The following ABCA13 variants were observed in gnomAD, a reference collection of about 807,000 sequenced individuals.
ABCA13 encodes ATP-binding cassette sub-family A member 13.
ABCA13 carries 476 observed loss-of-function variants against 478.7 expected under a neutral mutation model. The ratio of observed to expected loss-of-function variants is 0.99; its 90% CI spans 0.92 to 1.07. The LOEUF is 1.07. ABCA13 is among the 50% of genes least tolerant of loss of function. The pLI is 0.00. For missense variants in ABCA13, 6,060 were observed against 5,910.6 expected (o/e 1.03, Z -0.83); for synonymous variants, 2,252 against 2,158.9 (o/e 1.04, Z -1.20).
chr7:48,279,802 A>G lies in ABCA13; in HGVS notation c.8608A>G (p.Lys2870Glu). ...CACATCAGAAAAAGAAGAGAGAACC[A>G]AGAAAGAGATGATTGACTTTCCTTA... ...NVTSEKEERT[K>E]KEMIDFPYSF... The change falls in exon 18 of 62, where the codon AAG becomes GAG. Residue 2870 changes from lysine to glutamate, a missense_variant. By Grantham distance (56) the Lys-to-Glu change is moderately conservative (BLOSUM62 1). Around this residue, in one of 3 missense-constraint regions of ABCA13, gnomAD observed 4,423 missense variants for 4,309.1 expected, o/e 1.03. Coordinates refer to ENST00000435803, the MANE Select transcript of ABCA13 (RefSeq NM_152701.5). 1 of 1,601,068 alleles carries G rather than the reference A, an allele frequency of 6.2e-7. No individual in the cohort carries two copies. Among genetic ancestry groups the G allele is most frequent in the Non-Finnish European group, 8.5e-7 (1 of 1,176,244 alleles).
intron 55 of ABCA13, among the ~76,000 whole-genome samples, chr7:48,566,584 A>T (rs982949146): frequency 1.3e-5 from 2 of 152,210 alleles, no homozygotes; most frequent in Non-Finnish European, 2.9e-5. Context: ...TGGTTTAGAT[A>T]ATAAGCTCTT....
chr7:48,271,818 A>G lies in ABCA13; in HGVS notation c.2152A>G (p.Met718Val). 1 of 1,544,216 alleles carries G rather than the reference A, an allele frequency of 6.5e-7. No individual in the cohort carries two copies. Among genetic ancestry groups the G allele is most frequent in the Non-Finnish European group, 8.7e-7 (1 of 1,144,018 alleles). The change falls in exon 17 of 62, where the codon ATG becomes GTG. Residue 718 changes from methionine to valine, a missense_variant. Met to Val is a conservative substitution (Grantham distance 21). Transcript: ENST00000435803. ...ALNFTKHLLM[M>V]EKKLHTLEDE... ...AAATTTCACAAAGCACCTTCTAATG[A>G]TGGAAAAGAAGTTGCACACCCTTGA...
At chr7:48,482,597 T>C (rs530611173) in intron 46 of ABCA13, among the ~76,000 whole-genome samples, 3 of 152,042 alleles carry the variant, frequency 2.0e-5, no homozygotes, top group Non-Finnish European at 4.4e-5. Flanking sequence ...TTTCACCATG[T>C]TGGCCAGGCT....
chr7:48,339,824 C>T (rs1806848140), intron 29 of ABCA13, among the ~76,000 whole-genome samples: 1 of 152,128 alleles, frequency 6.6e-6, no homozygotes, highest in Admixed American at 6.5e-5. Context: ...CTGTACAGCC[C>T]TCTGGGAGCA....
At chr7:48,321,833 G>C (rs1275816257) in intron 27 of ABCA13, among the ~76,000 whole-genome samples, 2 of 152,172 alleles carry the variant, frequency 1.3e-5, no homozygotes, top group African/African-American at 4.8e-5. Flanking sequence ...TAAGATGTGG[G>C]CTGGGCAGGC....
intron 25 of ABCA13, among the ~76,000 whole-genome samples, chr7:48,313,764 G>A (rs551615423): frequency 3.3e-5 from 5 of 152,278 alleles, no homozygotes; most frequent in East Asian, 3.9e-4. Context: ...AGGGTTGGAC[G>A]TGTAGGATGA....
In ABCA13 at chr7:48,298,503, T is replaced by C. The variant is rs1799714871; in HGVS notation, c.9321+16T>C. On this transcript the variant is annotated intron_variant, in intron 23 of 61. Coordinates refer to ENST00000435803, the MANE Select transcript of ABCA13 (RefSeq NM_152701.5). ...CCACTCCAAGGTGTGGTGCTGTTTCTTGTCTGTCTGTTTTGCTCATGGAAG... is the reference window on the plus strand; with the variant it reads ...CCACTCCAAGGTGTGGTGCTGTTTCCTGTCTGTCTGTTTTGCTCATGGAAG... 6 of 1,606,570 alleles carry C rather than the reference T, an allele frequency of 3.7e-6. No homozygotes were observed. The highest frequency in any genetic ancestry group is 4.2e-6 in the Non-Finnish European group (5 of 1,177,050).
intron 57 of ABCA13, 28 bp from the exon 58 acceptor site, chr7:48,594,682 T>C: frequency 6.3e-7 from 1 of 1,594,662 alleles, no homozygotes; most frequent in Middle Eastern, 1.7e-4. Context: ...TTTCAAATGC[T>C]GATTACTCTG....
chr7:48,352,187 T>A lies in ABCA13; in HGVS notation c.10388T>A (p.Ile3463Asn), dbSNP rs1459889970. 6.2e-7 allele frequency: 1 copy of A among 1,603,188 alleles called. No individual in the cohort carries two copies. The highest frequency in any genetic ancestry group is 8.5e-7 in the Non-Finnish European group (1 of 1,172,996). ...TTTCCTTTTCTGCCACTAGGTATCA[T>A]TTTCAGCAATTCCTTATTCGACAAG... ...LQQNSFLASIIFSNSLFDKNF... is the reference protein window; with the variant it reads ...LQQNSFLASINFSNSLFDKNF... The change falls in exon 31 of 62, where the codon ATT becomes AAT. Residue 3463 changes from isoleucine to asparagine, a missense_variant. Physicochemically the swap from Ile to Asn is moderately radical, Grantham distance 149. Around this residue, in one of 3 missense-constraint regions of ABCA13, gnomAD observed 4,423 missense variants for 4,309.1 expected, o/e 1.03. Coordinates refer to ENST00000435803, the MANE Select transcript of ABCA13 (RefSeq NM_152701.5).
At chr7:48,282,647 C>G (rs1411090755) in intron 19 of ABCA13, among the ~76,000 whole-genome samples, 4 of 152,200 alleles carry the variant, frequency 2.6e-5, no homozygotes, top group Non-Finnish European at 5.9e-5. Flanking sequence ...TCTGCCTTTC[C>G]TTGATTTACT....
At chr7:48,455,337 G>C (rs1825546857) in intron 43 of ABCA13, 51 bp downstream of exon 43, 1 of 1,552,748 alleles carries the variant, frequency 6.4e-7, no homozygotes, top group African/African-American at 1.4e-5. Flanking sequence ...GGCAGATTAT[G>C]AATTGCAATA....
intron 58 of ABCA13, among the ~76,000 whole-genome samples, chr7:48,606,641 T>G (rs1222976001): frequency 6.6e-6 from 1 of 152,152 alleles, no homozygotes; most frequent in East Asian, 1.9e-4. Context: ...CTGTATTAGG[T>G]GTCTGTCAGC....
chr7:48,475,418 C>G (rs1827971860), intron 45 of ABCA13, among the ~76,000 whole-genome samples: 2 of 149,660 alleles, frequency 1.3e-5, no homozygotes, highest in Admixed American at 6.7e-5. Flanking sequence ...TACATGTGTG[C>G]TATCCAGCAG....
chr7:48,400,085 A>C (rs1817392225), intron 38 of ABCA13, among the ~76,000 whole-genome samples: 2 of 146,676 alleles, frequency 1.4e-5, no homozygotes, highest in African/African-American at 2.5e-5. Context: ...AAGCATCCCC[A>C]CTTCACTTAC....
At chr7:48,550,744 TGTCCATCCATCC>T (rs1441328056) in intron 55 of ABCA13, among the ~76,000 whole-genome samples, 2 of 150,690 alleles carry the variant, frequency 1.3e-5, no homozygotes, top group Non-Finnish European at 3.0e-5. Flanking sequence ...TCCATCCGTC[TGTCCATCCATCC>T]GTCCATCCAT....
chr7:48,214,509 C>T (rs1246981106), intron 3 of ABCA13, among the ~76,000 whole-genome samples: 1 of 152,222 alleles, frequency 6.6e-6, no homozygotes, highest in Admixed American at 6.5e-5. Context: ...TCTTCCAATG[C>T]AAGGCTGTTT....
At chr7:48,493,000 G>A (rs1829976096) in intron 48 of ABCA13, among the ~76,000 whole-genome samples, 1 of 152,090 alleles carries the variant, frequency 6.6e-6, no homozygotes, top group African/African-American at 2.4e-5. Flanking sequence ...CAGCCTGAGT[G>A]ACAGTCTCAA....
chr7:48,555,846 A>G (rs73109385), intron 55 of ABCA13, among the ~76,000 whole-genome samples: 20,947 of 150,706 alleles, frequency 0.14, 1,805 homozygotes, highest in African/African-American at 0.23. Context: ...ATTTTTTACC[A>G]ATTTTGGGTT....
intron 9 of ABCA13, among the ~76,000 whole-genome samples, chr7:48,240,359 G>A (rs1420526027): frequency 1.3e-5 from 2 of 152,132 alleles, no homozygotes; most frequent in Non-Finnish European, 2.9e-5. Context: ...TGTACATCGT[G>A]CACCTCTCCA....
Sources: allele counts gnomAD v4.1 joint callset (sites outside exome capture counted in the v4.1 genomes callset), GRCh38; gene constraint gnomAD v4.1.1; regional missense constraint gnomAD v4.1.1; transcripts MANE v1.5; gene names NCBI Gene and HGNC (gene_info 2026-07-23, HGNC 2026-07-21).